Variants in FAM184B observed in about 807,000 individuals in gnomAD.
FAM184B encodes family with sequence similarity 184 member B, also known as protein FAM184B.
In FAM184B, 111 loss-of-function variants were observed where a neutral mutation model predicts 135.9. The ratio of observed to expected loss-of-function variants is 0.82; its 90% CI spans 0.70 to 0.96. The LOEUF (loss-of-function observed/expected upper bound fraction) is 0.96, where lower values mean the gene tolerates loss of function less well. Ranked by LOEUF, FAM184B falls within the 40% of genes least tolerant of loss-of-function variation. FAM184B has a pLI of 0.00. For synonymous variants in FAM184B, 552 were observed against 524.8 expected (o/e 1.05, Z -0.71); for missense variants, 1,375 against 1,323.9 (o/e 1.04, Z -0.60).
intron 1 of FAM184B, among the ~76,000 whole-genome samples, chr4:17,736,853 A>G (rs147335884): frequency 2.6e-5 from 4 of 152,294 alleles, no homozygotes; most frequent in Non-Finnish European, 5.9e-5. Context: ...TATTGAAAGG[A>G]AAAAGGGGAG....
chr4:17,664,846 C>T (rs972516456), intron 7 of FAM184B, among the ~76,000 whole-genome samples, 187 bp from the exon 8 acceptor site: 2 of 152,186 alleles, frequency 1.3e-5, no homozygotes, highest in African/African-American at 4.8e-5. Context: ...AGAACAGTGC[C>T]TGGCTTACTA....
At chr4:17,642,287 A>G in intron 12 of FAM184B, 59 bp from the exon 13 acceptor site, 4 of 1,405,310 alleles carry the variant, frequency 2.8e-6, no homozygotes, top group Non-Finnish European at 3.7e-6. Context: ...CAAGGCAGAA[A>G]GGGCCAGAGA....
chr4:17,713,846 A>G (rs922445781), intron 1 of FAM184B, among the ~76,000 whole-genome samples: 1 of 152,226 alleles, frequency 6.6e-6, no homozygotes, highest in Non-Finnish European at 1.5e-5. Flanking sequence ...AAGACAACTG[A>G]ATTTGCAACC....
rs1719035513 is a variant in FAM184B at position 17,781,543 on chromosome 4, C to T, written c.-244G>A. 1 of 447,278 alleles carries T rather than the reference C, an allele frequency of 2.2e-6. No homozygotes were observed. Among genetic ancestry groups the T allele is most frequent in the Non-Finnish European group, 3.9e-6 (1 of 258,532 alleles). The allele number at this position is 447,278 out of a possible 1,614,324, so 27.7% of individuals were successfully genotyped here. On this transcript the variant is annotated 5_prime_UTR_variant, in exon 1 of 18. It adds an upstream start codon to the 5' untranslated region. Transcript: ENST00000265018. This position sits in a 1 kb window ranked among gnomAD's most constrained non-coding sequence, Gnocchi z 6.5. ...CTGGCTGGCTCCGCGGGCACCCGCA[C>T]CCTGCGGCGAGGCGTCGGCGCCCCG...
At chr4:17,717,490 T>C (rs1055764973) in intron 1 of FAM184B, among the ~76,000 whole-genome samples, 1 of 152,146 alleles carries the variant, frequency 6.6e-6, no homozygotes, top group Admixed American at 6.5e-5. Context: ...AACATCAGAC[T>C]GCTCCAGGCC....
chr4:17,637,087 C>T (rs1222758018), intron 14 of FAM184B, among the ~76,000 whole-genome samples: 4 of 152,110 alleles, frequency 2.6e-5, no homozygotes, highest in Non-Finnish European at 5.9e-5. Context: ...AGTGCAATGG[C>T]GCGGTCTCGG....
intron 1 of FAM184B, among the ~76,000 whole-genome samples, chr4:17,753,787 G>C (rs990384114): frequency 2.0e-5 from 3 of 152,234 alleles, no homozygotes; most frequent in Admixed American, 6.5e-5. Flanking sequence ...GTGACCATAA[G>C]AGAGGGCGAT....
At chr4:17,640,009 T>C (rs7685712) in intron 13 of FAM184B, among the ~76,000 whole-genome samples, 6,188 of 151,496 alleles carry the variant, frequency 0.041, 414 homozygotes, top group African/African-American at 0.14. Context: ...TTTGTATTTT[T>C]AGTAAAGACG....
At position 17,652,925 on chromosome 4, in the gene FAM184B, G is replaced by C; in HGVS notation, c.2096C>G (p.Thr699Arg). The stretch of plus-strand genomic sequence containing the variant: ...CAAGGCCTGGAGCTCCAGTCGGTGT[G>C]TCTGGTGTTGGATCTGGAGGCTGTG... ...SSHSLQIQHQ[T>R]HRLELQALEE... Residue 699 changes from threonine to arginine, a missense_variant, in exon 11 of 18, where the codon ACA (threonine) becomes AGA (arginine). Thr to Arg is a moderately conservative substitution (Grantham distance 71). Transcript: ENST00000265018. 6.4e-7 allele frequency: 1 copy of C among 1,551,734 alleles called. No homozygotes were observed. Among genetic ancestry groups the C allele is most frequent in the Non-Finnish European group, 8.7e-7 (1 of 1,146,980 alleles).
At position 17,639,245 on chromosome 4, in the gene FAM184B, C is replaced by A. The variant is rs1715237592; in HGVS notation, c.2666+5G>T. On this transcript the variant is annotated splice_donor_5th_base_variant and intron_variant, in intron 14 of 17. Transcript: ENST00000265018. The stretch of plus-strand genomic sequence containing the variant: ...ACCCTCCCTGGGGCCCGAGGCCTCA[C>A]TTACTCGGCTTCCAGGGCAGCCAGC... 1 of 1,551,284 alleles carries A rather than the reference C, an allele frequency of 6.4e-7. No homozygotes were observed. The highest frequency in any genetic ancestry group is 8.7e-7 in the Non-Finnish European group (1 of 1,146,794).
intron 12 of FAM184B, among the ~76,000 whole-genome samples, chr4:17,645,774 A>G (rs1032017477): frequency 5.9e-5 from 9 of 151,986 alleles, no homozygotes; most frequent in South Asian, 2.1e-4. Flanking sequence ...AGAAACTACC[A>G]TCAGAGTGAA....
intron 8 of FAM184B, among the ~76,000 whole-genome samples, chr4:17,660,663 T>C (rs1015692027): frequency 2.6e-5 from 4 of 151,866 alleles, no homozygotes; most frequent in Non-Finnish European, 5.9e-5. Context: ...CTAGATAAGA[T>C]GCTGACAAAT....
At chr4:17,685,472 C>A (rs1716557249) in intron 7 of FAM184B, among the ~76,000 whole-genome samples, 1 of 148,410 alleles carries the variant, frequency 6.7e-6, no homozygotes, top group African/African-American at 2.5e-5. Flanking sequence ...TCGCTTGAAC[C>A]CGGGAGGTGG....
chr4:17,692,015 T>G (rs1254506116), intron 6 of FAM184B, among the ~76,000 whole-genome samples: 1 of 149,936 alleles, frequency 6.7e-6, no homozygotes, highest in East Asian at 2.0e-4. Flanking sequence ...ATTGCGCCAC[T>G]GCACTCCAGT....
chr4:17,659,457 G>T (rs1194689012), intron 9 of FAM184B, among the ~76,000 whole-genome samples: 1 of 150,838 alleles, frequency 6.6e-6, no homozygotes, highest in Non-Finnish European at 1.5e-5. Flanking sequence ...ATCATCAGTG[G>T]CTCATAGTGA....
chr4:17,744,478 CACACACACACACCA>C (rs1718114233), intron 1 of FAM184B, among the ~76,000 whole-genome samples: 1 of 144,386 alleles, frequency 6.9e-6, no homozygotes, highest in South Asian at 2.2e-4. Flanking sequence ...CACACACACA[CACACACACACACCA>C]CACACACACA....
chr4:17,665,562 T>C (rs1716028315), intron 7 of FAM184B, among the ~76,000 whole-genome samples: 1 of 152,190 alleles, frequency 6.6e-6, no homozygotes, highest in Non-Finnish European at 1.5e-5. Flanking sequence ...TTTCATCAAC[T>C]GTGAAACAAA....
intron 7 of FAM184B, among the ~76,000 whole-genome samples, chr4:17,684,756 C>G (rs1716538285): frequency 6.6e-6 from 1 of 152,124 alleles, no homozygotes; most frequent in Admixed American, 6.5e-5. Context: ...CGAACTCATT[C>G]ACTATTCACA....
intron 1 of FAM184B, among the ~76,000 whole-genome samples, chr4:17,768,206 T>C (rs1718740320): frequency 6.6e-6 from 1 of 152,258 alleles, no homozygotes; most frequent in Admixed American, 6.5e-5. Flanking sequence ...GTAAAGATCA[T>C]CTTTGACTTG....
Sources: gnomAD v4.1 joint callset for allele counts (sites outside exome capture counted in the v4.1 genomes callset) on GRCh38, gnomAD v4.1.1 for gene constraint, Gnocchi (gnomAD v3.1) non-coding constraint, MANE v1.5 for transcripts, NCBI Gene and HGNC (gene_info 2026-07-23, HGNC 2026-07-21) for gene names.